Variants in KIR3DL2 observed in about 807,000 individuals in gnomAD.
The protein encoded by KIR3DL2 is killer cell immunoglobulin like receptor, three Ig domains and long cytoplasmic tail 2.
A neutral mutation model predicts 41.6 loss-of-function variants in KIR3DL2; 42 were observed. The observed-to-expected ratio is 1.01, with a 90% CI of 0.79 to 1.31. The LOEUF is 1.31. Among genes scored for constraint, KIR3DL2 ranks in the 50% most tolerant of loss-of-function variants. The pLI is 0.00. For missense variants in KIR3DL2, 728 were observed against 576.8 expected (o/e 1.26, Z -2.68); for synonymous variants, 230 against 221.3 (o/e 1.04, Z -0.35).
chr19:54,855,760 T>G lies in KIR3DL2; in HGVS notation c.797T>G (p.Leu266Arg). The G allele has an allele frequency of 1.2e-6, 2 of 1,613,418 alleles. No homozygotes were observed. The highest frequency in any genetic ancestry group is 2.2e-5 in the South Asian group (2 of 91,072). Reference sequence around the variant, plus strand: ...GAAGGGGAGGCCCATGAACGTAGGCTCCGTGCAGTGCCCAAGGTCAACAGA... The same window carrying G: ...GAAGGGGAGGCCCATGAACGTAGGCGCCGTGCAGTGCCCAAGGTCAACAGA... ...SREGEAHERR[L>R]RAVPKVNRTF... Residue 266 changes from leucine (L) to arginine (R), a missense_variant, in exon 5 of 9, where the codon CTC becomes CGC. Leu to Arg is a moderately radical substitution (Grantham distance 102). Transcript: ENST00000326321.
intron 5 of KIR3DL2, among the ~76,000 whole-genome samples, chr19:54,857,095 T>C (rs1419013207): frequency 2.6e-5 from 4 of 151,638 alleles, no homozygotes; most frequent in Admixed American, 2.0e-4. Context: ...TCTTTTTTTT[T>C]TTTTCTTTTT....
intron 6 of KIR3DL2, among the ~76,000 whole-genome samples, chr19:54,859,629 A>G (rs3930237): frequency 0.18 from 27,514 of 151,018 alleles, 3,331 homozygotes; most frequent in East Asian, 0.55. Flanking sequence ...ATTCAGCCAC[A>G]GCCCCATGCT....
At chr19:54,859,874 C>CAG (rs2065052699) in intron 6 of KIR3DL2, among the ~76,000 whole-genome samples, 1 of 151,982 alleles carries the variant, frequency 6.6e-6, no homozygotes, top group African/African-American at 2.4e-5. Context: ...TGTTCCTTGG[C>CAG]TCCTGGTACC....
chr19:54,853,074 C>T (rs2064424534), intron 3 of KIR3DL2, among the ~76,000 whole-genome samples: 1 of 151,194 alleles, frequency 6.6e-6, no homozygotes. Flanking sequence ...AACACCACTG[C>T]ACTCCAGCCT....
chr19:54,861,605 C>T lies in KIR3DL2; in HGVS notation c.1000+2476C>T, dbSNP rs1445675740. On this transcript the variant is annotated intron_variant, in intron 6 of 8. Coordinates refer to ENST00000326321, the MANE Select transcript of KIR3DL2 (RefSeq NM_006737.4). ...CAGAGGTTGCAGTGAGTGGAGATCG[C>T]ATCACTGCACACCAGCCTGGGCTAC... Among the ~76,000 whole-genome samples the T allele has an allele frequency of 1.6e-3, 239 of 151,110 alleles. 3 individuals carry two copies. The highest frequency in any genetic ancestry group is 5.4e-3 in the African/African-American group (223 of 41,216).
At chr19:54,854,233 C>G (rs1001638929) in intron 4 of KIR3DL2, among the ~76,000 whole-genome samples, 187 bp downstream of exon 4, 26 of 151,740 alleles carry the variant, frequency 1.7e-4, no homozygotes, top group Non-Finnish European at 3.5e-4. Context: ...GGTGTCATAA[C>G]AGAGGACAGA....
At position 54,866,849 on chromosome 19, in the gene KIR3DL2, C is replaced by T; in HGVS notation, c.*118C>T. 6 of 1,138,216 alleles carry T rather than the reference C, an allele frequency of 5.3e-6. No homozygotes were observed. The highest frequency in any genetic ancestry group is 7.7e-6 in the Non-Finnish European group (6 of 779,590). 70.5% of individuals were successfully genotyped at this position (1,138,216 alleles called of 1,614,324 possible). ...CTCTTCCTCACACCACGAATCTGAA[C>T]ATGCCTCTCTCTTGCTTACAAATGC... On this transcript the variant is annotated 3_prime_UTR_variant, in exon 9 of 9. Coordinates refer to ENST00000326321, the MANE Select transcript of KIR3DL2 (RefSeq NM_006737.4).
intron 6 of KIR3DL2, among the ~76,000 whole-genome samples, chr19:54,861,985 C>G (rs529079736): frequency 6.6e-6 from 1 of 151,948 alleles, no homozygotes; most frequent in East Asian, 1.9e-4. Context: ...GGGAGGTAAA[C>G]GCTAATACTC....
At chr19:54,853,357 T>G (rs2064452979) in intron 3 of KIR3DL2, among the ~76,000 whole-genome samples, 2 of 151,692 alleles carry the variant, frequency 1.3e-5, no homozygotes, top group African/African-American at 4.9e-5. Flanking sequence ...TCTGCCTTAC[T>G]GATGAGTTGA....
In KIR3DL2 at chr19:54,854,073, T is replaced by C. The variant is rs1351806543; in HGVS notation, c.655+27T>C. ...TGAGAGTGTCCAGACATTCTTCTCA[T>C]TGTCATTGGGACACAGAGTGAATGA... On this transcript the variant is annotated intron_variant, in intron 4 of 8. Coordinates refer to ENST00000326321, the MANE Select transcript of KIR3DL2 (RefSeq NM_006737.4). 3 of 1,609,476 alleles carry C rather than the reference T, an allele frequency of 1.9e-6. No individual in the cohort carries two copies. The Admixed American group carries it at 5.0e-5, about 27-fold the overall frequency.
chr19:54,865,894 T>C lies in KIR3DL2; in HGVS notation c.1090T>C (p.Cys364Arg). 2 of 1,613,058 alleles carry C rather than the reference T, an allele frequency of 1.2e-6. No homozygotes were observed. The highest frequency in any genetic ancestry group is 1.7e-6 in the Non-Finnish European group (2 of 1,179,292). Reference sequence around the variant, plus strand: ...CCTCTTCTTTCTCCTTTATCGCTGGTGCTCCAACAAAAAGAGTAAGTCTCA... The same window carrying C: ...CCTCTTCTTTCTCCTTTATCGCTGGCGCTCCAACAAAAAGAGTAAGTCTCA... ...LLLFFLLYRW[C>R]SNKKNAAVMD... The change falls in exon 7 of 9, where the codon TGC becomes CGC. Residue 364 changes from cysteine to arginine, a missense_variant. Coordinates refer to ENST00000326321, the MANE Select transcript of KIR3DL2 (RefSeq NM_006737.4).
intron 6 of KIR3DL2, among the ~76,000 whole-genome samples, chr19:54,862,581 C>A (rs2065249540): frequency 6.6e-6 from 1 of 152,002 alleles, no homozygotes; most frequent in Non-Finnish European, 1.5e-5. Flanking sequence ...ATGGAGTCAC[C>A]TCATTTGCAG....
intron 6 of KIR3DL2, among the ~76,000 whole-genome samples, chr19:54,864,756 G>C (rs1421805299): frequency 6.6e-6 from 1 of 151,804 alleles, no homozygotes; most frequent in Admixed American, 6.6e-5. Context: ...GGAGATTTTG[G>C]GCTGAGACAA....
intron 4 of KIR3DL2, among the ~76,000 whole-genome samples, chr19:54,854,482 G>T (rs2064573159): frequency 6.6e-6 from 1 of 151,794 alleles, no homozygotes; most frequent in Non-Finnish European, 1.5e-5. Flanking sequence ...GGCATCTACA[G>T]ATGCCATGTT....
chr19:54,863,301 T>C (rs1391052895), intron 6 of KIR3DL2, among the ~76,000 whole-genome samples: 1 of 152,014 alleles, frequency 6.6e-6, no homozygotes, highest in African/African-American at 2.4e-5. Context: ...TTGTGAATAG[T>C]GCCACAATAA....
intron 6 of KIR3DL2, among the ~76,000 whole-genome samples, chr19:54,863,168 C>T (rs2065297021): frequency 1.3e-5 from 2 of 151,596 alleles, no homozygotes; most frequent in Admixed American, 1.3e-4. Context: ...ATCCATGTCC[C>T]TGCAAAGGAC....
chr19:54,854,967 G>C (rs1423657226), intron 4 of KIR3DL2, among the ~76,000 whole-genome samples: 1 of 151,560 alleles, frequency 6.6e-6, no homozygotes, highest in Non-Finnish European at 1.5e-5. Flanking sequence ...GATATAGATA[G>C]ATGATAAATA....
At chr19:54,851,148 C>T in intron 1 of KIR3DL2, 72 bp from the exon 2 acceptor site, 1 of 1,572,280 alleles carries the variant, frequency 6.4e-7, no homozygotes, top group South Asian at 1.1e-5. Flanking sequence ...CCAAGACACA[C>T]AGTGCAGTGG....
At chr19:54,852,565 C>A (rs1349058638) in intron 3 of KIR3DL2, among the ~76,000 whole-genome samples, 2 of 151,682 alleles carry the variant, frequency 1.3e-5, no homozygotes, top group African/African-American at 4.9e-5. Context: ...GATGGGGAGA[C>A]AGCCTGGACT....
Sources: allele counts gnomAD v4.1 joint callset (sites outside exome capture counted in the v4.1 genomes callset), GRCh38; gene constraint gnomAD v4.1.1; transcripts MANE v1.5; gene names NCBI Gene and HGNC (gene_info 2026-07-23, HGNC 2026-07-21).